MARS1: variants seen among roughly 807,000 people sequenced by gnomAD.
MARS1 encodes methionyl-tRNA synthetase 1.
A neutral mutation model predicts 119.5 loss-of-function variants in MARS1; 80 were observed. That is an observed-to-expected ratio of 0.67 (90% CI 0.56 to 0.81). The LOEUF (loss-of-function observed/expected upper bound fraction) is 0.81. Among genes scored for constraint, MARS1 ranks in the 30% least tolerant of loss-of-function variants. The pLI is 0.00. For missense variants in MARS1, 945 were observed against 1,116.5 expected, an observed-to-expected ratio of 0.85 and a Z score of 2.19; for synonymous variants, 418 against 433.4, an observed-to-expected ratio of 0.96 and a Z score of 0.44.
At chr12:57,498,965 C>T (rs1363511122) in intron 9 of MARS1, among the ~76,000 whole-genome samples, 1 of 152,108 alleles carries the variant, frequency 6.6e-6, no homozygotes, top group Non-Finnish European at 1.5e-5. Context: ...ACTCATTCTT[C>T]CTCTGCCTAA....
chr12:57,508,654 A>AGAGAGG (rs1491518377), intron 11 of MARS1, among the ~76,000 whole-genome samples: 1 of 149,364 alleles, frequency 6.7e-6, no homozygotes, highest in East Asian at 1.9e-4. Flanking sequence ...GACCGTGGAA[A>AGAGAGG]GAGAGGGAGA....
intron 10 of MARS1, among the ~76,000 whole-genome samples, chr12:57,503,237 T>C (rs1180021521): frequency 2.6e-5 from 4 of 151,256 alleles, no homozygotes; most frequent in African/African-American, 4.8e-5. Flanking sequence ...TTGTTTCTTT[T>C]TTTTTTTTTT....
At chr12:57,495,485 C>A (rs908325881) in intron 7 of MARS1, among the ~76,000 whole-genome samples, 1 of 151,674 alleles carries the variant, frequency 6.6e-6, no homozygotes, top group African/African-American at 2.4e-5. Flanking sequence ...GACAGGTTGA[C>A]GGCGGGGAAG....
intron 7 of MARS1, among the ~76,000 whole-genome samples, chr12:57,492,669 T>TCACA (rs58931225): frequency 0.011 from 1,601 of 139,480 alleles, 13 homozygotes; most frequent in East Asian, 0.023. Flanking sequence ...CGACTCCATT[T>TCACA]CACACACACA....
At chr12:57,515,375 T>G in intron 18 of MARS1, 39 bp downstream of exon 18, 99 of 1,589,604 alleles carry the variant, frequency 6.2e-5, no homozygotes, top group Non-Finnish European at 7.9e-5. Flanking sequence ...ATTGATACTC[T>G]TGCCATGCAG....
chr12:57,514,980 T>C lies in MARS1; in HGVS notation c.2126T>C (p.Leu709Pro), dbSNP rs1276856816. 6.2e-7 allele frequency: 1 copy of C among 1,614,060 alleles called. No individual in the cohort carries two copies. Among genetic ancestry groups the C allele is most frequent in the Non-Finnish European group, 8.5e-7 (1 of 1,180,042 alleles). Reference protein sequence around the residue: ...VRIRDALRSILTISRHGNQYI... With the variant: ...VRIRDALRSIPTISRHGNQYI... ...ATCCGGGATGCCTTGCGCAGTATCC[T>C]CACCATATCTCGACATGGCAACCAA... Residue 709 changes from leucine to proline, a missense_variant, in exon 17 of 21, where the codon CTC becomes CCC. Transcript: ENST00000262027.
intron 2 of MARS1, 69 bp from the exon 3 acceptor site, chr12:57,489,198 C>T: frequency 6.3e-7 from 1 of 1,599,684 alleles, no homozygotes; most frequent in Non-Finnish European, 8.6e-7. Context: ...CCATTGTTTC[C>T]CTGTGTGATG....
chr12:57,488,710 G>C (rs142997814), intron 1 of MARS1: 1 of 1,463,190 alleles, frequency 6.8e-7, no homozygotes, highest in Non-Finnish European at 9.4e-7. Flanking sequence ...GTGACCTTCA[G>C]ATAATTATGA....
chr12:57,502,777 G>A (rs912227156), intron 10 of MARS1, among the ~76,000 whole-genome samples: 12 of 145,368 alleles, frequency 8.3e-5, no homozygotes, highest in South Asian at 2.3e-4. Context: ...CCTGTAGTCC[G>A]CGCACTTTGG....
rs764179426 is a variant in MARS1, at chr12:57,490,535, T to C, written c.664-3T>C. ...GGTAAGGGATTCTCTCCACTCTTTA[T>C]AGGAGGAGGAGCTGGCTACCCTATC... On this transcript the variant is annotated splice_polypyrimidine_tract_variant and splice_region_variant and intron_variant, in intron 6 of 20. Coordinates refer to ENST00000262027, the MANE Select transcript of MARS1 (RefSeq NM_004990.4). The C allele has an allele frequency of 6.2e-7, 1 of 1,613,880 alleles. No individual in the cohort carries two copies. Among genetic ancestry groups the C allele is most frequent in the Non-Finnish European group, 8.5e-7 (1 of 1,179,762 alleles).
At chr12:57,506,301 ATC>A (rs1352181787) in intron 11 of MARS1, among the ~76,000 whole-genome samples, 7 of 152,092 alleles carry the variant, frequency 4.6e-5, no homozygotes, top group Admixed American at 4.6e-4. Flanking sequence ...GGTGGTGCAC[ATC>A]TCTGGCCCCA....
chr12:57,494,494 ATTTTTTTTTTT>A (rs59160934), intron 7 of MARS1, among the ~76,000 whole-genome samples: 1 of 95,488 alleles, frequency 1.0e-5, no homozygotes, highest in Admixed American at 1.1e-4. Flanking sequence ...CGCCTGGCTA[ATTTTTTTTTTT>A]TTTTTTTTTT....
At chr12:57,488,759 G>T (rs1199676766) in intron 1 of MARS1, 1 of 1,165,924 alleles carries the variant, frequency 8.6e-7, no homozygotes, top group Non-Finnish European at 1.2e-6. Context: ...GTTCTTGGCT[G>T]CAGCACTATC....
Position 57,498,725 on chromosome 12 carries a change from C to T in MARS1, c.1091+102C>T. On this transcript the variant is annotated intron_variant, in intron 9 of 20. Transcript: ENST00000262027. ...AGGAACCCGGGTGGCTGTCTGGGCA[C>T]TCCTAAACTTAGGATCTCAATATCA... 5 of 1,057,452 alleles carry T rather than the reference C, an allele frequency of 4.7e-6. No individual in the cohort carries two copies. In the East Asian group the frequency reaches 7.1e-5, roughly 15 times the overall value. 65.5% of individuals were successfully genotyped at this position (1,057,452 alleles called of 1,614,324 possible).
At chr12:57,510,194 C>T (rs2140031894) in intron 11 of MARS1, among the ~76,000 whole-genome samples, 1 of 152,298 alleles carries the variant, frequency 6.6e-6, no homozygotes, top group East Asian at 1.9e-4. Context: ...AAAAAATTGA[C>T]TAGGCATGGT....
At chr12:57,496,160 G>A (rs1355336682) in intron 7 of MARS1, among the ~76,000 whole-genome samples, 2 of 151,706 alleles carry the variant, frequency 1.3e-5, no homozygotes, top group South Asian at 2.1e-4. Flanking sequence ...CACTGCACCC[G>A]GCAATATAAG....
chr12:57,511,754 A>C lies in MARS1; in HGVS notation c.1425A>C (p.Thr475=). The C allele has an allele frequency of 6.2e-7, 1 of 1,614,148 alleles. No individual in the cohort carries two copies. Among genetic ancestry groups the C allele is most frequent in the South Asian group, 1.1e-5 (1 of 91,078 alleles). ...GGACATTGCCTGGCAGTGACTGGAC[A>C]CCCAATGCCCAGTTTATCACCCGTT... ...LGRTLPGSDW[T]PNAQFITRSW... Residue 475 remains threonine (T), a synonymous_variant, in exon 12 of 21, where the codon ACA becomes ACC. Transcript: ENST00000262027.
At chr12:57,488,528 A>G in intron 1 of MARS1, 1 of 1,523,154 alleles carries the variant, frequency 6.6e-7, no homozygotes, top group Non-Finnish European at 8.9e-7. Context: ...AGTTACTAGC[A>G]TGACAGCCCC....
In MARS1 at chr12:57,490,283, A is replaced by C. The variant is rs1875832903; in HGVS notation, c.567A>C (p.Val189=). Residue 189 remains valine, a synonymous_variant, in exon 6 of 21, where the codon GTA becomes GTC. Transcript: ENST00000262027. Reference sequence around the variant, plus strand: ...CATGTCAGCGAGCTGCAGAGACTGTACTGAAACAGCAAGGTGTCCTGGCTC... The same window carrying C: ...CATGTCAGCGAGCTGCAGAGACTGTCCTGAAACAGCAAGGTGTCCTGGCTC... ...QEPCQRAAET[V]LKQQGVLALR... is the part of the protein sequence containing the mutation. 6.2e-7 allele frequency: 1 copy of C among 1,613,464 alleles called. No homozygotes were observed. Among genetic ancestry groups the C allele is most frequent in the Non-Finnish European group, 8.5e-7 (1 of 1,180,038 alleles).
Sources: gnomAD v4.1 joint callset for allele counts (sites outside exome capture counted in the v4.1 genomes callset) on GRCh38, gnomAD v4.1.1 for gene constraint, MANE v1.5 for transcripts, NCBI Gene and HGNC (gene_info 2026-07-23, HGNC 2026-07-21) for gene names.